FBXO10: variants seen among roughly 807,000 people sequenced by gnomAD.
FBXO10 encodes the protein F-box protein 10.
A neutral mutation model predicts 80.7 loss-of-function variants in FBXO10; 39 were observed. The ratio of observed to expected loss-of-function variants is 0.48; its 90% confidence interval spans 0.37 to 0.63. FBXO10 has a LOEUF of 0.63. FBXO10 is among the 30% of genes least tolerant of loss of function. FBXO10 has a pLI of 0.00. For missense variants in FBXO10, 1,025 were observed against 1,269.0 expected (o/e 0.81, Z 2.92); for synonymous variants, 449 against 489.6 (o/e 0.92, Z 1.09).
chr9:37,541,665 TCATACCAGGCCCTG>T lies in FBXO10; in HGVS notation c.90_103del (p.Cys30Ter), dbSNP rs1563879191. The T allele has an allele frequency of 6.2e-7, 1 of 1,613,870 alleles. No homozygotes were observed. The highest frequency in any genetic ancestry group is 8.5e-7 in the Non-Finnish European group (1 of 1,179,878). On this transcript the variant is annotated stop_gained and frameshift_variant, in exon 2 of 11. Transcript: ENST00000432825. LOFTEE classifies it high-confidence loss of function. ...GGTGCTGTCGAGACTGAGGATCAGT[TCATACCAGGCCCTG>T]CATACCAGGCTGCAGCGGCCCAGGT... is the stretch of plus-strand genomic sequence containing the variant.
chr9:37,516,229 G>A (rs1821176227), intron 9 of FBXO10, 144 bp from the exon 10 acceptor site: 1 of 890,168 alleles, frequency 1.1e-6, no homozygotes, highest in Admixed American at 3.2e-5. Flanking sequence ...TCAAAGAAGG[G>A]CACCAAGAAC....
chr9:37,563,858 A>G (rs1588859664), intron 1 of FBXO10, among the ~76,000 whole-genome samples: 1 of 152,184 alleles, frequency 6.6e-6, no homozygotes, highest in Non-Finnish European at 1.5e-5. Flanking sequence ...AGAAAAGAAA[A>G]CCCCATTTTC....
At chr9:37,524,402 C>T (rs1821417630) in intron 6 of FBXO10, among the ~76,000 whole-genome samples, 1 of 152,240 alleles carries the variant, frequency 6.6e-6, no homozygotes, top group Non-Finnish European at 1.5e-5. Context: ...CACTGCTGCA[C>T]TTGTAGCTCC....
At chr9:37,567,000 G>C (rs1164388521) in intron 1 of FBXO10, among the ~76,000 whole-genome samples, 1 of 152,156 alleles carries the variant, frequency 6.6e-6, no homozygotes, top group African/African-American at 2.4e-5. Flanking sequence ...GGAGACAGAA[G>C]GGGAGTTGCA....
intron 1 of FBXO10, among the ~76,000 whole-genome samples, chr9:37,545,874 C>T (rs1437049223): frequency 6.6e-6 from 1 of 152,150 alleles, no homozygotes; most frequent in Non-Finnish European, 1.5e-5. Flanking sequence ...TGGCCGGGTG[C>T]GGTGGCTCAC....
intron 9 of FBXO10, among the ~76,000 whole-genome samples, chr9:37,516,404 C>CT (rs1821179298): frequency 6.6e-6 from 1 of 152,200 alleles, no homozygotes; most frequent in Admixed American, 6.5e-5. Context: ...GGCAACCCAA[C>CT]TGAGACGAAA....
chr9:37,546,475 C>A (rs1313002360), intron 1 of FBXO10, among the ~76,000 whole-genome samples: 1 of 152,144 alleles, frequency 6.6e-6, no homozygotes, highest in African/African-American at 2.4e-5. Context: ...TTCTAATTTT[C>A]CACTTAACTT....
chr9:37,575,884 T>G (rs1822882907), intron 1 of FBXO10, among the ~76,000 whole-genome samples: 1 of 152,168 alleles, frequency 6.6e-6, no homozygotes, highest in Non-Finnish European at 1.5e-5. Flanking sequence ...TTCTTCGACT[T>G]TACTTACACA....
At chr9:37,557,778 A>T (rs1822374419) in intron 1 of FBXO10, among the ~76,000 whole-genome samples, 1 of 152,194 alleles carries the variant, frequency 6.6e-6, no homozygotes, top group South Asian at 2.1e-4. Flanking sequence ...AGAGGGGCTC[A>T]TCTATAATAC....
At chr9:37,552,771 G>C (rs1216533102) in intron 1 of FBXO10, among the ~76,000 whole-genome samples, 1 of 151,966 alleles carries the variant, frequency 6.6e-6, no homozygotes, top group Non-Finnish European at 1.5e-5. Flanking sequence ...CAAGGTGCTG[G>C]CACCTGGTGA....
chr9:37,572,022 G>A (rs1822772808), intron 1 of FBXO10, among the ~76,000 whole-genome samples: 1 of 151,840 alleles, frequency 6.6e-6, no homozygotes, highest in Non-Finnish European at 1.5e-5. Flanking sequence ...AGGGGGCTGA[G>A]GTGGGAGAGA....
At chr9:37,568,109 A>G (rs929654706) in intron 1 of FBXO10, among the ~76,000 whole-genome samples, 11 of 152,164 alleles carry the variant, frequency 7.2e-5, no homozygotes, top group African/African-American at 2.7e-4. Flanking sequence ...TTTTCTTTTT[A>G]AAGCCAACTG....
At chr9:37,533,049 T>C (rs1451251561) in intron 3 of FBXO10, among the ~76,000 whole-genome samples, 1 of 152,212 alleles carries the variant, frequency 6.6e-6, no homozygotes, top group African/African-American at 2.4e-5. Context: ...AATGAAGGGA[T>C]GATTAGAGAT....
At chr9:37,535,319 G>A (rs1821730167) in intron 3 of FBXO10, among the ~76,000 whole-genome samples, 2 of 151,956 alleles carry the variant, frequency 1.3e-5, no homozygotes, top group South Asian at 4.2e-4. Flanking sequence ...GACACATAAA[G>A]AAGAAAATCA....
At chr9:37,520,944 C>T (rs955989968) in intron 8 of FBXO10, among the ~76,000 whole-genome samples, 6 of 152,074 alleles carry the variant, frequency 3.9e-5, no homozygotes, top group African/African-American at 1.4e-4. Context: ...AATACAGTCG[C>T]GAGGCCTCAT....
intron 8 of FBXO10, among the ~76,000 whole-genome samples, chr9:37,521,200 G>T (rs1044154156): frequency 6.6e-6 from 1 of 152,130 alleles, no homozygotes; most frequent in Admixed American, 6.5e-5. Context: ...GGATCAGTCT[G>T]CAGAAGGCCC....
intron 8 of FBXO10, among the ~76,000 whole-genome samples, chr9:37,518,903 G>T (rs536451256): frequency 0.011 from 1,412 of 126,256 alleles, 20 homozygotes; most frequent in African/African-American, 0.038. Context: ...CTACTGTTTG[G>T]GGAAATTTTC....
chr9:37,526,842 T>C (rs1404534447), intron 5 of FBXO10, among the ~76,000 whole-genome samples: 3 of 149,466 alleles, frequency 2.0e-5, no homozygotes, highest in Non-Finnish European at 3.0e-5. Flanking sequence ...TATTTATTTA[T>C]TTATTTATTT....
intron 1 of FBXO10, among the ~76,000 whole-genome samples, chr9:37,566,001 A>G (rs986583225): frequency 6.6e-6 from 1 of 152,238 alleles, no homozygotes; most frequent in Non-Finnish European, 1.5e-5. Flanking sequence ...GGCCACCTGT[A>G]TTAGTTCACA....
Sources: allele counts gnomAD v4.1 joint callset (sites outside exome capture counted in the v4.1 genomes callset), GRCh38; gene constraint gnomAD v4.1.1; transcripts MANE v1.5; gene names NCBI Gene and HGNC (gene_info 2026-07-23, HGNC 2026-07-21).